The following DGKB variants were observed in gnomAD, a reference collection of about 807,000 sequenced individuals.
DGKB encodes 90 kDa diacylglycerol kinase.
A neutral mutation model predicts 114.3 loss-of-function variants in DGKB; 67 were observed. That is an observed-to-expected ratio of 0.59 (90% CI 0.48 to 0.72). The LOEUF (loss-of-function observed/expected upper bound fraction) is 0.72, where lower values mean the gene tolerates loss of function less well. Among genes scored for constraint, DGKB ranks in the 30% least tolerant of loss-of-function variants. The pLI is 0.00. For missense variants in DGKB, 907 were observed against 975.2 expected, an observed-to-expected ratio of 0.93 and a Z score of 0.93; for synonymous variants, 398 against 323.1, an observed-to-expected ratio of 1.23 and a Z score of -2.49.
intron 21 of DGKB, among the ~76,000 whole-genome samples, chr7:14,406,704 A>AGATG (rs1823992524): frequency 6.6e-6 from 1 of 152,116 alleles, no homozygotes; most frequent in Non-Finnish European, 1.5e-5. Context: ...AACCTTTAGA[A>AGATG]GATGCTAAAC....
intron 23 of DGKB, among the ~76,000 whole-genome samples, chr7:14,293,999 A>C (rs895541515): frequency 6.6e-5 from 10 of 152,154 alleles, no homozygotes; most frequent in Non-Finnish European, 1.5e-4. Flanking sequence ...AGTCAACAAG[A>C]GGTCTCTCTC....
chr7:14,509,759 T>A (rs959986390), intron 20 of DGKB, among the ~76,000 whole-genome samples: 5 of 152,198 alleles, frequency 3.3e-5, no homozygotes, highest in Non-Finnish European at 7.3e-5. Context: ...ATTCTGTCTC[T>A]TTCTAACTCC....
chr7:14,773,253 A>G (rs549252244), intron 2 of DGKB, among the ~76,000 whole-genome samples: 54 of 152,256 alleles, frequency 3.5e-4, no homozygotes, highest in African/African-American at 1.1e-3. Context: ...TGAGTTTTAT[A>G]TACATGTTTC....
chr7:14,492,090 T>C (rs1400172895), intron 20 of DGKB, among the ~76,000 whole-genome samples: 2 of 152,104 alleles, frequency 1.3e-5, no homozygotes, highest in African/African-American at 4.8e-5. Context: ...TAAAAGTGTT[T>C]TGTTTATAAT....
At chr7:14,710,583 G>C (rs949695765) in intron 6 of DGKB, among the ~76,000 whole-genome samples, 1 of 152,044 alleles carries the variant, frequency 6.6e-6, no homozygotes, top group Non-Finnish European at 1.5e-5. Context: ...ATATCAATGA[G>C]AGAAACTTCA....
intron 21 of DGKB, among the ~76,000 whole-genome samples, chr7:14,474,826 A>G (rs566910216): frequency 3.6e-4 from 43 of 120,158 alleles, no homozygotes; most frequent in Non-Finnish European, 1.5e-4. Flanking sequence ...ATAAATATTT[A>G]GTTTTTTTTT....
chr7:14,543,094 C>T (rs1793726758), intron 20 of DGKB, among the ~76,000 whole-genome samples: 2 of 152,062 alleles, frequency 1.3e-5, no homozygotes, highest in African/African-American at 4.8e-5. Flanking sequence ...ATAATGTATA[C>T]ACAATGATAA....
intron 20 of DGKB, among the ~76,000 whole-genome samples, chr7:14,521,394 G>A (rs185406584): frequency 1.3e-5 from 2 of 152,168 alleles, no homozygotes; most frequent in African/African-American, 4.8e-5. Flanking sequence ...TTGACTCAGC[G>A]TATCCTGGTG....
chr7:14,683,767 A>G (rs1291543078), intron 10 of DGKB, among the ~76,000 whole-genome samples: 2 of 152,236 alleles, frequency 1.3e-5, no homozygotes, highest in African/African-American at 4.8e-5. Context: ...TTATATAGTA[A>G]AACTCTCCCA....
At chr7:14,421,188 G>C (rs1327920061) in intron 21 of DGKB, among the ~76,000 whole-genome samples, 1 of 152,036 alleles carries the variant, frequency 6.6e-6, no homozygotes, top group Non-Finnish European at 1.5e-5. Context: ...GCTTGCTTGA[G>C]CCCGCTCCAA....
intron 20 of DGKB, among the ~76,000 whole-genome samples, chr7:14,484,138 TA>T (rs1783410388): frequency 6.6e-6 from 1 of 152,088 alleles, no homozygotes; most frequent in Admixed American, 6.6e-5. Context: ...TTTTTGTATT[TA>T]ACACACAGTT....
intron 21 of DGKB, among the ~76,000 whole-genome samples, chr7:14,406,042 A>G (rs966007611): frequency 1.3e-5 from 2 of 151,958 alleles, no homozygotes; most frequent in African/African-American, 4.8e-5. Flanking sequence ...ATAACATAGA[A>G]TCTTAGTTGG....
At chr7:14,305,383 C>T (rs918127185) in intron 23 of DGKB, among the ~76,000 whole-genome samples, 7 of 152,074 alleles carry the variant, frequency 4.6e-5, no homozygotes, top group African/African-American at 7.2e-5. Context: ...ATGTGATATA[C>T]GTCTTTCCGT....
At chr7:14,584,256 T>C (rs990299543) in intron 17 of DGKB, among the ~76,000 whole-genome samples, 1 of 152,224 alleles carries the variant, frequency 6.6e-6, no homozygotes, top group African/African-American at 2.4e-5. Flanking sequence ...TGATCTCTTT[T>C]TATGAATTTT....
At chr7:14,915,746 TAA>T (rs890447727) in intron 1 of DGKB, among the ~76,000 whole-genome samples, 1 of 151,786 alleles carries the variant, frequency 6.6e-6, no homozygotes, top group African/African-American at 2.4e-5. Flanking sequence ...GAAGAAGAAA[TAA>T]AGACTGTCTC....
At chr7:14,348,659 C>T (rs1812898859) in intron 21 of DGKB, among the ~76,000 whole-genome samples, 1 of 151,578 alleles carries the variant, frequency 6.6e-6, no homozygotes, top group Non-Finnish European at 1.5e-5. Flanking sequence ...CTCAATGAAG[C>T]TGAACATAAA....
At chr7:14,539,489 C>T (rs1476073381) in intron 20 of DGKB, among the ~76,000 whole-genome samples, 1 of 151,896 alleles carries the variant, frequency 6.6e-6, no homozygotes, top group East Asian at 1.9e-4. Flanking sequence ...TTACTAAAAA[C>T]ATCAATAAAC....
At chr7:14,323,673 G>A (rs1209288941) in intron 23 of DGKB, among the ~76,000 whole-genome samples, 1 of 152,192 alleles carries the variant, frequency 6.6e-6, no homozygotes, top group East Asian at 1.9e-4. Flanking sequence ...GCTTTGAGAT[G>A]ATGTCATGCT....
At chr7:14,659,292 A>C (rs1005971497) in intron 13 of DGKB, among the ~76,000 whole-genome samples, 6 of 152,084 alleles carry the variant, frequency 3.9e-5, no homozygotes, top group African/African-American at 1.2e-4. Flanking sequence ...TAATATGGTT[A>C]AGTTCAAAAG....
Sources: gnomAD v4.1 joint callset for allele counts (sites outside exome capture counted in the v4.1 genomes callset) on GRCh38, gnomAD v4.1.1 for gene constraint, MANE v1.5 for transcripts, NCBI Gene and HGNC (gene_info 2026-07-23, HGNC 2026-07-21) for gene names.